INSL5: variants seen among roughly 807,000 people sequenced by gnomAD.
The protein encoded by INSL5 is insulin like 5.
A neutral mutation model predicts 4.3 loss-of-function variants in INSL5; 3 were observed. That is an observed-to-expected ratio of 0.70 (90% CI 0.32 to 1.82). INSL5 has a LOEUF of 1.82. Among genes scored for constraint, INSL5 ranks in the 40% most tolerant of loss-of-function variants. The pLI, the probability that INSL5 is intolerant of heterozygous loss-of-function variation, is 0.08. For synonymous variants in INSL5, 68 were observed against 56.6 expected (o/e 1.20, Z -0.90); for missense variants, 168 against 160.9 (o/e 1.04, Z -0.24).
intron 1 of INSL5, 36 bp from the exon 2 acceptor site, chr1:66,798,281 C>T (rs1359463891): frequency 6.8e-7 from 1 of 1,469,722 alleles, no homozygotes; most frequent in Non-Finnish European, 9.5e-7. Flanking sequence ...CATCCTTAGA[C>T]AGCTCCTACA....
At chr1:66,798,479 T>A (rs1273668557) in intron 1 of INSL5, among the ~76,000 whole-genome samples, 1 of 152,080 alleles carries the variant, frequency 6.6e-6, no homozygotes, top group African/African-American at 2.4e-5. Context: ...AGATGAGGAG[T>A]GACAGTCAGT....
At chr1:66,798,948 C>T (rs1407081548) in intron 1 of INSL5, among the ~76,000 whole-genome samples, 4 of 152,302 alleles carry the variant, frequency 2.6e-5, no homozygotes, top group Admixed American at 2.6e-4. Flanking sequence ...CCATTCCACT[C>T]CCCTATGTGT....
intron 1 of INSL5, among the ~76,000 whole-genome samples, chr1:66,800,186 C>T (rs1001202243): frequency 7.2e-5 from 11 of 152,052 alleles, no homozygotes; most frequent in African/African-American, 2.7e-4. Flanking sequence ...ATAGTGAAGT[C>T]AGCCGCTTCA....
intron 1 of INSL5, among the ~76,000 whole-genome samples, chr1:66,800,252 T>C (rs1022211425): frequency 5.3e-5 from 8 of 152,124 alleles, no homozygotes; most frequent in Non-Finnish European, 1.0e-4. Context: ...ATCAGACAAT[T>C]CCTACTACTA....
At chr1:66,799,565 T>C (rs141161518) in intron 1 of INSL5, among the ~76,000 whole-genome samples, 4 of 152,340 alleles carry the variant, frequency 2.6e-5, no homozygotes, top group East Asian at 1.9e-4. Flanking sequence ...ATGCATTGTA[T>C]TCCTGAAATT....
chr1:66,800,357 T>G (rs1358144417), intron 1 of INSL5, among the ~76,000 whole-genome samples: 3 of 152,120 alleles, frequency 2.0e-5, no homozygotes, highest in Non-Finnish European at 2.9e-5. Context: ...TGTCACCTAT[T>G]ACAAAATAGG....
rs369428558 is a variant in INSL5 at position 66,798,149 on chromosome 1, T to C, written c.272A>G (p.Asp91Gly). ...NLPKVDASGE[D>G]RLWGGQMPTE... ...GGGCATCTGTCCACCCCAAAGACGGTCTTCCCCTGAGGCATCCACCTTCGG... is the reference window on the plus strand; with the variant it reads ...GGGCATCTGTCCACCCCAAAGACGGCCTTCCCCTGAGGCATCCACCTTCGG... Residue 91 changes from aspartate (D) to glycine (G), a missense_variant, in exon 2 of 2, where the codon GAC becomes GGC. Coordinates refer to ENST00000304526, the MANE Select transcript of INSL5 (RefSeq NM_005478.6). 3 of 1,614,142 alleles carry C rather than the reference T, an allele frequency of 1.9e-6. No homozygotes were observed. Among genetic ancestry groups the C allele is most frequent in the African/African-American group, 2.7e-5 (2 of 75,042 alleles).
intron 1 of INSL5, among the ~76,000 whole-genome samples, chr1:66,798,883 G>C (rs528949279): frequency 6.6e-6 from 1 of 152,278 alleles, no homozygotes; most frequent in South Asian, 2.1e-4. Context: ...GAGAAAGATT[G>C]AATAATAAGT....
intron 1 of INSL5, among the ~76,000 whole-genome samples, chr1:66,800,169 A>G (rs558835373): frequency 6.6e-6 from 1 of 152,328 alleles, no homozygotes; most frequent in African/African-American, 2.4e-5. Flanking sequence ...TTGAATAATA[A>G]AGAAATATAG....
At chr1:66,798,307 A>G (rs934810069) in intron 1 of INSL5, 62 bp from the exon 2 acceptor site, 27 of 1,098,386 alleles carry the variant, frequency 2.5e-5, no homozygotes, top group African/African-American at 1.1e-4. Context: ...GGCAGCAACC[A>G]CATTCCACTC....
Position 66,801,225 on chromosome 1 carries a change from G to A in INSL5, c.-4C>T. ...GAGTGAAAATGGAGCCCTTCATTTT[G>A]CTGAGGACTGAATGTGAATCTGATA... On this transcript the variant is annotated 5_prime_UTR_variant, in exon 1 of 2. Coordinates refer to ENST00000304526, the MANE Select transcript of INSL5 (RefSeq NM_005478.6). The A allele has an allele frequency of 1.9e-6, 3 of 1,607,980 alleles. No individual in the cohort carries two copies. The highest frequency in any genetic ancestry group is 1.7e-6 in the Non-Finnish European group (2 of 1,175,600).
In INSL5 at chr1:66,801,050, G is replaced by A. The variant is rs1349926373; in HGVS notation, c.172C>T (p.Gln58Ter). ...RHQEGIPQAQ[Q>*]AETGNSFQLP... ...GAGACACATGAGTTACTGTTACCTT[G>A]CTGAGCTTGAGGGATCCCCTCCTGA... Residue 58 changes from glutamine to a stop codon, truncating the protein, a stop_gained, in exon 1 of 2, where the codon CAA becomes TAA. Coordinates refer to ENST00000304526, the MANE Select transcript of INSL5 (RefSeq NM_005478.6). LOFTEE classifies it low-confidence loss of function (END_TRUNC). 4 of 1,605,990 alleles carry A rather than the reference G, an allele frequency of 2.5e-6. No homozygotes were observed. Among genetic ancestry groups the A allele is most frequent in the Non-Finnish European group, 3.4e-6 (4 of 1,175,340 alleles).
intron 1 of INSL5, among the ~76,000 whole-genome samples, chr1:66,800,067 A>T (rs1360794752): frequency 1.3e-5 from 2 of 152,124 alleles, no homozygotes; most frequent in African/African-American, 4.8e-5. Flanking sequence ...AATAAATAAA[A>T]ATCTAAAAAT....
chr1:66,800,699 C>G (rs1645369085), intron 1 of INSL5, among the ~76,000 whole-genome samples: 1 of 152,122 alleles, frequency 6.6e-6, no homozygotes, highest in African/African-American at 2.4e-5. Flanking sequence ...TACAATTATT[C>G]ATGAGTGAAA....
chr1:66,797,885 G>GA lies in INSL5; in HGVS notation c.*127dup. 1 of 662,596 alleles carries GA rather than the reference G, an allele frequency of 1.5e-6. No individual in the cohort carries two copies. The allele number at this position is 662,596 out of a possible 1,614,324, so 41.0% of individuals were successfully genotyped here. A position where few individuals can be genotyped will look rare whatever the true frequency, so the allele number is the denominator to read the frequency against. On this transcript the variant is annotated 3_prime_UTR_variant, in exon 2 of 2. Transcript: ENST00000304526. ...TTCAACCGCTCAGCTATACCTTTTA[G>GA]AAAAGAAGTTTTGCCTACCCAAAAG...
Position 66,798,080 on chromosome 1 carries a change from C to T in INSL5, c.341G>A (p.Arg114Lys), listed in dbSNP as rs1312035328. 1 of 1,614,014 alleles carries T rather than the reference C, an allele frequency of 6.2e-7. No individual in the cohort carries two copies. The highest frequency in any genetic ancestry group is 2.2e-5 in the East Asian group (1 of 44,896). The change falls in exon 2 of 2, where the codon AGA becomes AAA. Residue 114 changes from arginine (R) to lysine (K), a missense_variant. Arg to Lys is a conservative substitution (Grantham distance 26). Coordinates refer to ENST00000304526, the MANE Select transcript of INSL5 (RefSeq NM_005478.6). The part of the protein sequence containing the change: ...WKSKKHSVMS[R>K]QDLQTLCCTD... ...GCAACACAAAGTTTGTAAATCTTGT[C>T]TTGACATCACTGAATGCTTCTTTGA... is the stretch of plus-strand genomic sequence containing the variant.
intron 1 of INSL5, among the ~76,000 whole-genome samples, 187 bp downstream of exon 1, chr1:66,800,860 T>C (rs1645370646): frequency 6.6e-6 from 1 of 152,182 alleles, no homozygotes; most frequent in South Asian, 2.1e-4. Context: ...TTTTGAAAGG[T>C]AGCATGCTCA....
intron 1 of INSL5, among the ~76,000 whole-genome samples, chr1:66,799,899 A>T (rs1454288353): frequency 6.6e-6 from 1 of 152,082 alleles, no homozygotes; most frequent in Admixed American, 6.6e-5. Flanking sequence ...ATATTTAAAA[A>T]TTAGCCAGAT....
chr1:66,799,224 TG>T (rs1346127039), intron 1 of INSL5, among the ~76,000 whole-genome samples: 3 of 152,218 alleles, frequency 2.0e-5, no homozygotes, highest in Admixed American at 6.5e-5. Flanking sequence ...TAAATTAAAC[TG>T]AAACCTTAAC....
Sources: allele counts gnomAD v4.1 joint callset (sites outside exome capture counted in the v4.1 genomes callset), GRCh38; gene constraint gnomAD v4.1.1; transcripts MANE v1.5; gene names NCBI Gene and HGNC (gene_info 2026-07-23, HGNC 2026-07-21).